CDNF: variants seen among roughly 807,000 people sequenced by gnomAD.
The protein encoded by CDNF is ARMET-like protein 1.
Under a neutral mutation model 14.8 loss-of-function variants are expected in CDNF, and 9 were observed. The observed-to-expected ratio is 0.61, with a 90% CI of 0.37 to 1.06. The LOEUF (loss-of-function observed/expected upper bound fraction) is 1.06. Ranked by LOEUF, CDNF falls within the 50% of genes least tolerant of loss-of-function variation. The probability of loss-of-function intolerance (pLI) is 0.01; values close to 1 mark genes in which losing one functional copy is unlikely to be tolerated. For synonymous variants in CDNF, 86 were observed against 87.2 expected, an observed-to-expected ratio of 0.99 and a Z score of 0.07; for missense variants, 228 against 228.4, an observed-to-expected ratio of 1.00 and a Z score of 0.01.
chr10:14,823,088 G>A (rs917471073), intron 3 of CDNF, among the ~76,000 whole-genome samples: 2 of 151,298 alleles, frequency 1.3e-5, no homozygotes, highest in Non-Finnish European at 2.9e-5. Context: ...ATCTCCCACA[G>A]CACAAAGGTC....
At chr10:14,825,414 GC>G in intron 3 of CDNF, 64 bp downstream of exon 3, 1 of 1,482,770 alleles carries the variant, frequency 6.7e-7, no homozygotes, top group Non-Finnish European at 9.2e-7. Flanking sequence ...AGAAGACATG[GC>G]CCCAACTTTA....
At chr10:14,833,273 T>C (rs1485137350) in intron 1 of CDNF, among the ~76,000 whole-genome samples, 1 of 152,176 alleles carries the variant, frequency 6.6e-6, no homozygotes, top group African/African-American at 2.4e-5. Context: ...GTAAGGCAGA[T>C]TGGCCTCCAT....
intron 3 of CDNF, among the ~76,000 whole-genome samples, chr10:14,824,192 G>A (rs1303908504): frequency 6.6e-6 from 1 of 152,182 alleles, no homozygotes; most frequent in Non-Finnish European, 1.5e-5. Flanking sequence ...GGCTGAGGAA[G>A]GAATTCCACA....
At chr10:14,836,640 A>T (rs1280879676) in intron 1 of CDNF, among the ~76,000 whole-genome samples, 1 of 152,264 alleles carries the variant, frequency 6.6e-6, no homozygotes, top group Non-Finnish European at 1.5e-5. Flanking sequence ...CCAATTATTA[A>T]CACTTTAAGG....
intron 2 of CDNF, among the ~76,000 whole-genome samples, chr10:14,826,095 A>AGCAGC (rs1833784139): frequency 5.7e-5 from 5 of 87,618 alleles, no homozygotes; most frequent in South Asian, 3.7e-4. Context: ...GAAGAAGAAG[A>AGCAGC]AGCAGCAGCA....
At chr10:14,826,836 C>G (rs559748183) in intron 2 of CDNF, among the ~76,000 whole-genome samples, 1 of 152,196 alleles carries the variant, frequency 6.6e-6, no homozygotes, top group South Asian at 2.1e-4. Flanking sequence ...TTATAAAACC[C>G]AGCACTTTGG....
At chr10:14,834,789 G>A (rs1413360402) in intron 1 of CDNF, among the ~76,000 whole-genome samples, 1 of 152,104 alleles carries the variant, frequency 6.6e-6, no homozygotes, top group East Asian at 1.9e-4. Context: ...CTGGGAAACT[G>A]CTGAAAGATA....
Position 14,820,141 on chromosome 10 carries a change from C to T in CDNF, c.403G>A (p.Ala135Thr). The part of the protein sequence containing the change: ...ELKYEKTLDL[A>T]SVDLRKMRVA... ...CTCATCTTCCGCAGGTCAACTGATG[C>T]CAAGTCCAGTGTTTTTTCTAAATGG... Residue 135 changes from alanine to threonine, a missense_variant, in exon 4 of 4, where the codon GCA becomes ACA. Ala to Thr is a moderately conservative substitution (Grantham distance 58). Transcript: ENST00000465530. 1 of 1,608,800 alleles carries T rather than the reference C, an allele frequency of 6.2e-7. No individual in the cohort carries two copies. Among genetic ancestry groups the T allele is most frequent in the Non-Finnish European group, 8.5e-7 (1 of 1,178,692 alleles).
chr10:14,826,698 C>T (rs984192153), intron 2 of CDNF, among the ~76,000 whole-genome samples: 6 of 152,164 alleles, frequency 3.9e-5, no homozygotes, highest in Admixed American at 3.3e-4. Context: ...AGGTGCTGCT[C>T]TCAGTGCTTT....
chr10:14,834,825 C>T (rs1208630330), intron 1 of CDNF, among the ~76,000 whole-genome samples: 1 of 152,002 alleles, frequency 6.6e-6, no homozygotes, highest in Non-Finnish European at 1.5e-5. Context: ...ATATGATAGC[C>T]CTGCCAGGGG....
At chr10:14,820,541 A>G (rs1275311962) in intron 3 of CDNF, among the ~76,000 whole-genome samples, 3 of 152,112 alleles carry the variant, frequency 2.0e-5, no homozygotes, top group Non-Finnish European at 4.4e-5. Flanking sequence ...AGCCTGGCCA[A>G]CATGGTGAAA....
At chr10:14,835,537 TA>T (rs1833879200) in intron 1 of CDNF, among the ~76,000 whole-genome samples, 1 of 152,208 alleles carries the variant, frequency 6.6e-6, no homozygotes. Flanking sequence ...ATAAATGCCC[TA>T]ACAAATTAGT....
At position 14,819,862 on chromosome 10, in the gene CDNF, C is replaced by T. The variant is rs1412877628; in HGVS notation, c.*118G>A. 9.8e-7 allele frequency: 1 copy of T among 1,017,132 alleles called. No homozygotes were observed. The allele number at this position is 1,017,132 out of a possible 1,614,324, so 63.0% of individuals were successfully genotyped here. The stretch of plus-strand genomic sequence containing the variant: ...ACAAAATTCTGAGGAATAATACCAA[C>T]ACAAAAAGCATGAGACCAAATATGA... On this transcript the variant is annotated 3_prime_UTR_variant, in exon 4 of 4. Coordinates refer to ENST00000465530, the MANE Select transcript of CDNF (RefSeq NM_001029954.3).
intron 1 of CDNF, among the ~76,000 whole-genome samples, chr10:14,832,464 G>C (rs1833851589): frequency 6.6e-6 from 1 of 152,320 alleles, no homozygotes; most frequent in Non-Finnish European, 1.5e-5. Context: ...TTTGAGTAGA[G>C]AAGAGTTATG....
chr10:14,826,073 G>GC (rs1833782149), intron 2 of CDNF, among the ~76,000 whole-genome samples: 1 of 142,240 alleles, frequency 7.0e-6, no homozygotes, highest in African/African-American at 2.7e-5. Flanking sequence ...AGAAGAAGAA[G>GC]AAGAAGAAGA....
At chr10:14,831,876 T>C (rs1833847095) in intron 1 of CDNF, among the ~76,000 whole-genome samples, 1 of 152,088 alleles carries the variant, frequency 6.6e-6, no homozygotes, top group Non-Finnish European at 1.5e-5. Flanking sequence ...GCCTAGCCCA[T>C]ATATTTTTAT....
rs879315290 is a variant in CDNF at position 14,826,112 on chromosome 10, GC to G, written c.244-493del. ...AGAAGAAGAAGCAGCAGCAGCAGCA[GC>G]AGCAGCAGCAGAAGCAGGAGAAGGA... On this transcript the variant is annotated intron_variant, in intron 2 of 3. Coordinates refer to ENST00000465530, the MANE Select transcript of CDNF (RefSeq NM_001029954.3). 8.4e-3 allele frequency among the ~76,000 whole-genome samples: 1,163 copies of G among 138,272 alleles called. 61 individuals are homozygous for G. The highest frequency in any genetic ancestry group is 0.018 in the African/African-American group (640 of 34,996). The allele number at this position is 138,272 out of a possible 152,430, so 90.7% of individuals were successfully genotyped here.
chr10:14,822,906 T>A (rs540171144), intron 3 of CDNF, among the ~76,000 whole-genome samples: 1 of 152,232 alleles, frequency 6.6e-6, no homozygotes, highest in African/African-American at 2.4e-5. Flanking sequence ...TGATTCCCTA[T>A]CCTTTTTAAA....
At chr10:14,826,406 C>CAGCAGCAGA (rs201403912) in intron 2 of CDNF, among the ~76,000 whole-genome samples, 48 of 147,730 alleles carry the variant, frequency 3.2e-4, no homozygotes, top group African/African-American at 1.1e-3. Flanking sequence ...GAAGCAGCAG[C>CAGCAGCAGA]AGCAGCAGAA....
Sources: gnomAD v4.1 joint callset for allele counts (sites outside exome capture counted in the v4.1 genomes callset) on GRCh38, gnomAD v4.1.1 for gene constraint, MANE v1.5 for transcripts, NCBI Gene and HGNC (gene_info 2026-07-23, HGNC 2026-07-21) for gene names.